Variants in RBFOX1 observed in about 807,000 individuals in gnomAD.
RBFOX1 encodes RNA binding protein fox-1 homolog 1.
In RBFOX1, 8 loss-of-function variants were observed where a neutral mutation model predicts 57.7. The ratio of observed to expected loss-of-function variants is 0.14; its 90% confidence interval spans 0.08 to 0.25. The LOEUF (loss-of-function observed/expected upper bound fraction) is 0.25, where lower values mean the gene tolerates loss of function less well. Ranked by LOEUF, RBFOX1 falls within the 10% of genes least tolerant of loss-of-function variation. The pLI, the probability that RBFOX1 is intolerant of heterozygous loss-of-function variation, is 1.00. For missense variants in RBFOX1, 611 were observed against 548.5 expected (o/e 1.11, Z -1.14); for synonymous variants, 326 against 222.4 (o/e 1.47, Z -4.15).
At chr16:7,593,242 T>C (rs1348183748) in intron 7 of RBFOX1, among the ~76,000 whole-genome samples, 1 of 152,160 alleles carries the variant, frequency 6.6e-6, no homozygotes, top group Non-Finnish European at 1.5e-5. Flanking sequence ...ATCCAGTGGA[T>C]ACAAAGCAAG....
At chr16:7,167,954 G>T (rs1362317574) in intron 4 of RBFOX1, among the ~76,000 whole-genome samples, 1 of 152,168 alleles carries the variant, frequency 6.6e-6, no homozygotes, top group Non-Finnish European at 1.5e-5. Flanking sequence ...TGTTTGTAGT[G>T]AGAGTCTGTC....
intron 3 of RBFOX1, among the ~76,000 whole-genome samples, chr16:6,784,517 T>G (rs1310704122): frequency 6.6e-6 from 1 of 152,288 alleles, no homozygotes; most frequent in East Asian, 1.9e-4. Flanking sequence ...AAATTCCTCT[T>G]CTATGTTATC....
chr16:7,234,020 A>C (rs1394207009), intron 4 of RBFOX1, among the ~76,000 whole-genome samples: 1 of 152,202 alleles, frequency 6.6e-6, no homozygotes, highest in East Asian at 1.9e-4. Context: ...AGCAAAACTG[A>C]GACAACATCA....
intron 1 of RBFOX1, among the ~76,000 whole-genome samples, chr16:5,397,317 G>C (rs1004646404): frequency 6.6e-6 from 1 of 152,162 alleles, no homozygotes; most frequent in African/African-American, 2.4e-5. Flanking sequence ...CAGCCCCTCT[G>C]GGTCCTGAAA....
chr16:6,795,637 G>C (rs1018318399), intron 3 of RBFOX1, among the ~76,000 whole-genome samples: 4 of 151,876 alleles, frequency 2.6e-5, no homozygotes. Flanking sequence ...ATGGTTGGGG[G>C]TGCCTGTAAT....
intron 3 of RBFOX1, among the ~76,000 whole-genome samples, chr16:7,023,957 T>A (rs2040117772): frequency 6.6e-6 from 1 of 152,112 alleles, no homozygotes; most frequent in Admixed American, 6.5e-5. Context: ...GCAATAGCTG[T>A]CACTCTCCTA....
chr16:6,921,712 A>T (rs986272727), intron 3 of RBFOX1, among the ~76,000 whole-genome samples: 2 of 151,412 alleles, frequency 1.3e-5, no homozygotes, highest in African/African-American at 4.9e-5. Context: ...ATGGAAAGTT[A>T]TACCGTGATA....
chr16:6,701,040 G>T (rs1002798149), intron 3 of RBFOX1, among the ~76,000 whole-genome samples: 3 of 152,018 alleles, frequency 2.0e-5, no homozygotes, highest in Non-Finnish European at 2.9e-5. Context: ...GGCAGAGGGG[G>T]GGGTGAGTCA....
In RBFOX1 at chr16:7,318,435, A is replaced by G. The variant is rs576550698; in HGVS notation, c.28-199712A>G. ...GCAGCGTGGTAGAATAGTTTCACAC[A>G]TAAGTACCTGGCTTCAGATTTGGTT... On this transcript the variant is annotated intron_variant, in intron 4 of 15. Transcript: ENST00000550418. Among the ~76,000 whole-genome samples, 108 of 152,270 alleles carry G rather than the reference A, an allele frequency of 7.1e-4. 1 individual carries two copies. The highest frequency in any genetic ancestry group is 3.4e-3 in the Middle Eastern group (1 of 294).
At chr16:6,586,313 G>A (rs1014648362) in intron 2 of RBFOX1, among the ~76,000 whole-genome samples, 2 of 152,192 alleles carry the variant, frequency 1.3e-5, no homozygotes, top group African/African-American at 4.8e-5. Flanking sequence ...ATAGATGACA[G>A]AAGAAACATT....
At chr16:6,256,360 A>G (rs1185325460) in intron 1 of RBFOX1, among the ~76,000 whole-genome samples, 1 of 147,752 alleles carries the variant, frequency 6.8e-6, no homozygotes, top group Admixed American at 7.0e-5. Context: ...AAGAAGGGGA[A>G]GAGGTTGGGT....
At chr16:7,081,807 A>G (rs11077134) in intron 4 of RBFOX1, among the ~76,000 whole-genome samples, 95,480 of 151,678 alleles carry the variant, frequency 0.63, 33,167 homozygotes, top group East Asian at 0.91. Context: ...ATCCAATAAT[A>G]GGATTGCTCT....
chr16:6,919,230 G>A (rs549598192), intron 3 of RBFOX1, among the ~76,000 whole-genome samples: 7 of 151,984 alleles, frequency 4.6e-5, no homozygotes, highest in African/African-American at 7.3e-5. Context: ...TGATCCGCCC[G>A]CCTCAGCTTC....
chr16:6,157,834 G>C (rs529356235), intron 1 of RBFOX1, among the ~76,000 whole-genome samples: 31 of 152,264 alleles, frequency 2.0e-4, no homozygotes, highest in African/African-American at 7.2e-4. Context: ...AGCAATGTTA[G>C]ACTTATGTCC....
rs552008783 is a variant in RBFOX1 at position 7,712,057 on chromosome 16, A to T, written c.*1312A>T. ...AAGAAAAAAGTACATCCACCCTCTT[A>T]ATCCCAAAAGAACAAAGTCTCCCCA... On this transcript the variant is annotated 3_prime_UTR_variant, in exon 16 of 16. Transcript: ENST00000550418. 1 of 152,644 alleles carries T rather than the reference A, an allele frequency of 6.6e-6. No individual in the cohort carries two copies. Among genetic ancestry groups the T allele is most frequent in the Non-Finnish European group, 1.5e-5 (1 of 68,036 alleles). 9.5% of individuals were successfully genotyped at this position (152,644 alleles called of 1,614,324 possible).
At chr16:5,375,953 G>A (rs140170957) in intron 1 of RBFOX1, among the ~76,000 whole-genome samples, 247 of 152,210 alleles carry the variant, frequency 1.6e-3, no homozygotes, top group African/African-American at 5.7e-3. Flanking sequence ...GATCATTTGA[G>A]GTCGGGAGTC....
intron 3 of RBFOX1, among the ~76,000 whole-genome samples, chr16:6,894,134 G>A (rs2066186478): frequency 6.6e-6 from 1 of 152,210 alleles, no homozygotes; most frequent in African/African-American, 2.4e-5. Context: ...TATGGACAGA[G>A]ATAGAATGAT....
chr16:5,531,498 TG>T (rs1381456752), intron 2 of RBFOX1, among the ~76,000 whole-genome samples: 1 of 152,198 alleles, frequency 6.6e-6, no homozygotes, highest in South Asian at 2.1e-4. Context: ...CCTTTTAGCA[TG>T]GGGCAATAAT....
intron 1 of RBFOX1, among the ~76,000 whole-genome samples, chr16:5,331,219 G>GCTTGC (rs560775900): frequency 2.1e-3 from 314 of 152,326 alleles, no homozygotes; most frequent in African/African-American, 7.2e-3. Context: ...GCTTGGCTTG[G>GCTTGC]CCCAGCTCGG....
Sources: allele counts gnomAD v4.1 joint callset (sites outside exome capture counted in the v4.1 genomes callset), GRCh38; gene constraint gnomAD v4.1.1; transcripts MANE v1.5; gene names NCBI Gene and HGNC (gene_info 2026-07-23, HGNC 2026-07-21).